SFMBT2: variants seen among roughly 807,000 people sequenced by gnomAD.
SFMBT2 encodes scm-like with four MBT domains protein 2.
Under a neutral mutation model 110.1 loss-of-function variants are expected in SFMBT2, and 38 were observed. The observed-to-expected ratio is 0.35, with a 90% CI of 0.27 to 0.45. SFMBT2 has a LOEUF of 0.45. Ranked by LOEUF, SFMBT2 falls within the 20% of genes least tolerant of loss-of-function variation. SFMBT2 has a pLI of 1.00. For missense variants in SFMBT2, 1,011 were observed against 1,094.9 expected, an observed-to-expected ratio of 0.92 and a Z score of 1.08; for synonymous variants, 425 against 425.4, an observed-to-expected ratio of 1.00 and a Z score of 0.01.
At chr10:7,291,751 G>A (rs1842266178) in intron 4 of SFMBT2, among the ~76,000 whole-genome samples, 1 of 152,202 alleles carries the variant, frequency 6.6e-6, no homozygotes, top group African/African-American at 2.4e-5. Flanking sequence ...AGCAACAGGG[G>A]TTCTCCCCAG....
At chr10:7,214,802 C>G (rs1381630514) in intron 11 of SFMBT2, 1 of 975,212 alleles carries the variant, frequency 1.0e-6, no homozygotes, top group East Asian at 1.1e-4. Context: ...CCCACCCATT[C>G]AAAGCACAAA....
At chr10:7,215,598 A>T in intron 11 of SFMBT2, 2 of 985,366 alleles carry the variant, frequency 2.0e-6, no homozygotes, top group Non-Finnish European at 2.4e-6. Flanking sequence ...GGCAATCAGA[A>T]CCTGGGTTCA....
intron 4 of SFMBT2, among the ~76,000 whole-genome samples, chr10:7,304,059 C>T (rs1165932189): frequency 1.3e-5 from 2 of 152,204 alleles, no homozygotes; most frequent in Middle Eastern, 3.2e-3. Context: ...GATGGGTCTT[C>T]AGCACAGGGA....
At chr10:7,277,585 A>G (rs922246612) in intron 6 of SFMBT2, 1 of 157,352 alleles carries the variant, frequency 6.4e-6, no homozygotes, top group African/African-American at 2.4e-5. Flanking sequence ...AGGCAGTGGG[A>G]GGGGGGGCAA....
At chr10:7,321,976 T>C (rs1843203999) in intron 4 of SFMBT2, among the ~76,000 whole-genome samples, 1 of 152,250 alleles carries the variant, frequency 6.6e-6, no homozygotes, top group Non-Finnish European at 1.5e-5. Flanking sequence ...CCTCTAAATG[T>C]ATGCAGAATG....
intron 4 of SFMBT2, among the ~76,000 whole-genome samples, chr10:7,308,665 C>T (rs1842761970): frequency 6.6e-6 from 1 of 152,192 alleles, no homozygotes; most frequent in Admixed American, 6.5e-5. Context: ...GCAGCTCTCT[C>T]ATTTCAGCTG....
intron 9 of SFMBT2, among the ~76,000 whole-genome samples, chr10:7,232,764 T>C (rs547793645): frequency 6.6e-6 from 1 of 152,324 alleles, no homozygotes; most frequent in South Asian, 2.1e-4. Flanking sequence ...ACAAAATTAT[T>C]TCATTAATAA....
intron 4 of SFMBT2, among the ~76,000 whole-genome samples, chr10:7,324,916 G>T (rs1843329666): frequency 6.7e-6 from 1 of 149,608 alleles, no homozygotes; most frequent in Non-Finnish European, 1.5e-5. Flanking sequence ...TAAGGACCCA[G>T]CCTTATGTCC....
intron 7 of SFMBT2, among the ~76,000 whole-genome samples, chr10:7,269,260 A>C (rs1250633996): frequency 6.6e-6 from 1 of 152,216 alleles, no homozygotes; most frequent in African/African-American, 2.4e-5. Flanking sequence ...GATAAATAAC[A>C]GTAGAAATAA....
At chr10:7,328,225 T>C (rs926957432) in intron 4 of SFMBT2, among the ~76,000 whole-genome samples, 1 of 152,242 alleles carries the variant, frequency 6.6e-6, no homozygotes, top group African/African-American at 2.4e-5. Context: ...ATGCAAATAA[T>C]ACCGACATCT....
At chr10:7,164,627 T>G (rs1183955432) in intron 20 of SFMBT2, among the ~76,000 whole-genome samples, 1 of 151,936 alleles carries the variant, frequency 6.6e-6, no homozygotes, top group Non-Finnish European at 1.5e-5. Flanking sequence ...CAAAGGAATC[T>G]CTACTAAAAG....
Position 7,186,481 on chromosome 10 carries a change from T to C in SFMBT2, c.1808+2143A>G, listed in dbSNP as rs1320437841. 1.3e-4 allele frequency among the ~76,000 whole-genome samples: 20 copies of C among 149,510 alleles called. 1 individual carries two copies. The East Asian group carries it at 1.9e-3, about 14-fold the overall frequency. On this transcript the variant is annotated intron_variant, in intron 16 of 20. Coordinates refer to ENST00000397167, the MANE Select transcript of SFMBT2 (RefSeq NM_001387889.1). ...ACACATATATATATATATAAAAATA[T>C]TTTATTTGTTGTAGAGACAGGGTCT...
rs1228541949 is a variant in SFMBT2 at position 7,301,441 on chromosome 10, G to A, written c.437-15487C>T. ...TCATGAGACAGCGGAGGAAACCCGG[G>A]AGGGACTAGAACAAAGTCCAGGCAC... On this transcript the variant is annotated intron_variant, in intron 4 of 20. Coordinates refer to ENST00000397167, the MANE Select transcript of SFMBT2 (RefSeq NM_001387889.1). This position sits in a 1 kb window ranked among gnomAD's most constrained non-coding sequence, Gnocchi z 4.2. Among the ~76,000 whole-genome samples, 1 of 152,216 alleles carries A rather than the reference G, an allele frequency of 6.6e-6. No homozygotes were observed. The highest frequency in any genetic ancestry group is 2.4e-5 in the African/African-American group (1 of 41,458).
intron 9 of SFMBT2, among the ~76,000 whole-genome samples, chr10:7,229,268 T>C (rs1259949768): frequency 1.3e-5 from 2 of 152,190 alleles, no homozygotes; most frequent in African/African-American, 2.4e-5. Context: ...AGAGGGACTA[T>C]GGAAATTCTT....
chr10:7,184,196 T>C (rs960811279), intron 16 of SFMBT2, among the ~76,000 whole-genome samples: 1 of 152,106 alleles, frequency 6.6e-6, no homozygotes, highest in African/African-American at 2.4e-5. Flanking sequence ...AGCTGGTATG[T>C]TTTGGCTGTG....
chr10:7,395,299 T>C (rs1358079132), intron 1 of SFMBT2, among the ~76,000 whole-genome samples: 2 of 152,222 alleles, frequency 1.3e-5, no homozygotes, highest in Non-Finnish European at 2.9e-5. Flanking sequence ...AAAAGAATTC[T>C]ACGTTGGAAA....
intron 11 of SFMBT2, among the ~76,000 whole-genome samples, chr10:7,207,749 T>C (rs931166351): frequency 6.6e-6 from 1 of 152,208 alleles, no homozygotes; most frequent in Admixed American, 6.5e-5. Context: ...CATCGTCAAG[T>C]AGACATGGTG....
intron 11 of SFMBT2, among the ~76,000 whole-genome samples, chr10:7,211,262 C>G (rs1243129482): frequency 6.6e-6 from 1 of 152,038 alleles, no homozygotes; most frequent in African/African-American, 2.4e-5. Context: ...GAATTCCCAC[C>G]ATGTAGTAGC....
At chr10:7,346,954 C>A (rs1235018953) in intron 4 of SFMBT2, among the ~76,000 whole-genome samples, 3 of 152,024 alleles carry the variant, frequency 2.0e-5, no homozygotes, top group Non-Finnish European at 4.4e-5. Context: ...TGTGCCACTG[C>A]GCTCCAGCCT....
Sources: allele counts gnomAD v4.1 joint callset (sites outside exome capture counted in the v4.1 genomes callset), GRCh38; gene constraint gnomAD v4.1.1; non-coding constraint Gnocchi (gnomAD v3.1); transcripts MANE v1.5; gene names NCBI Gene and HGNC (gene_info 2026-07-23, HGNC 2026-07-21).